The following VPS13B variants were observed in gnomAD, a reference collection of about 807,000 sequenced individuals.
The protein encoded by VPS13B is intermembrane lipid transfer protein VPS13B.
A neutral mutation model predicts 426.4 loss-of-function variants in VPS13B; 285 were observed. The observed-to-expected ratio is 0.67, with a 90% confidence interval of 0.61 to 0.74. The LOEUF is 0.74. VPS13B is among the 30% of genes least tolerant of loss of function. The pLI is 0.00. For missense variants in VPS13B, 4,537 were observed against 4,782.6 expected (o/e 0.95, Z 1.51); for synonymous variants, 1,676 against 1,676.4 (o/e 1.00, Z 0.01).
At chr8:99,625,095 G>A (rs1828553772) in intron 33 of VPS13B, among the ~76,000 whole-genome samples, 1 of 152,104 alleles carries the variant, frequency 6.6e-6, no homozygotes, top group Non-Finnish European at 1.5e-5. Context: ...AAAGTGCTGG[G>A]ATTAAAGCCT....
chr8:99,432,823 C>T (rs929036518), intron 22 of VPS13B, among the ~76,000 whole-genome samples: 2 of 151,912 alleles, frequency 1.3e-5, no homozygotes, highest in Middle Eastern at 3.4e-3. Context: ...TGAAGAGGGT[C>T]GAAAATATAG....
intron 33 of VPS13B, among the ~76,000 whole-genome samples, chr8:99,588,573 G>A (rs918212813): frequency 6.6e-6 from 1 of 151,706 alleles, no homozygotes; most frequent in Middle Eastern, 3.4e-3. Flanking sequence ...TATTCTCTTT[G>A]TAGCAACTGT....
intron 15 of VPS13B, among the ~76,000 whole-genome samples, chr8:99,166,935 A>T (rs1812040567): frequency 6.6e-6 from 1 of 152,208 alleles, no homozygotes. Context: ...ATTTTTCTTT[A>T]AGAATAAACA....
At chr8:99,592,801 C>T (rs1406734127) in intron 33 of VPS13B, among the ~76,000 whole-genome samples, 1 of 152,074 alleles carries the variant, frequency 6.6e-6, no homozygotes, top group East Asian at 1.9e-4. Context: ...CTGACAACAA[C>T]AAGCAATAGG....
At position 99,143,003 on chromosome 8, in the gene VPS13B, G is replaced by T. The variant is rs759370868; in HGVS notation, c.1681G>T (p.Gly561Trp). The change falls in exon 13 of 62, where the codon GGG becomes TGG. Residue 561 changes from glycine (G) to tryptophan (W), a missense_variant. Coordinates refer to ENST00000357162, the MANE Select transcript of VPS13B (RefSeq NM_152564.5). The stretch of plus-strand genomic sequence containing the variant: ...CACAAATCAACAAGACTTTTCTTCA[G>T]GGAAAAGTGAAGATTTGGGAACAGT... ...GSTNQQDFSS[G>W]KSEDLGTVQE... The T allele has an allele frequency of 6.2e-7, 1 of 1,613,390 alleles. No individual in the cohort carries two copies. Among genetic ancestry groups the T allele is most frequent in the African/African-American group, 1.3e-5 (1 of 74,992 alleles).
intron 3 of VPS13B, among the ~76,000 whole-genome samples, chr8:99,066,969 C>G (rs1056017923): frequency 2.0e-5 from 3 of 152,148 alleles, no homozygotes; most frequent in African/African-American, 7.2e-5. Flanking sequence ...GTTAGAATGG[C>G]AATCATTAGA....
intron 33 of VPS13B, among the ~76,000 whole-genome samples, chr8:99,584,408 C>T (rs1826211986): frequency 1.3e-5 from 2 of 152,108 alleles, no homozygotes; most frequent in African/African-American, 4.8e-5. Flanking sequence ...GATTTCTTTG[C>T]CAGAAATCCA....
intron 40 of VPS13B, among the ~76,000 whole-genome samples, chr8:99,775,830 A>C (rs1227137806): frequency 6.6e-6 from 1 of 152,166 alleles, no homozygotes; most frequent in African/African-American, 2.4e-5. Context: ...CCTGGGAGGC[A>C]GAGATTGCAT....
At chr8:99,237,281 A>G (rs1215661078) in intron 17 of VPS13B, among the ~76,000 whole-genome samples, 1 of 152,180 alleles carries the variant, frequency 6.6e-6, no homozygotes, top group Non-Finnish European at 1.5e-5. Flanking sequence ...ATTTCCCCCC[A>G]AGTAATTTGT....
At chr8:99,560,991 T>C (rs1401736360) in intron 31 of VPS13B, among the ~76,000 whole-genome samples, 1 of 152,230 alleles carries the variant, frequency 6.6e-6, no homozygotes, top group Non-Finnish European at 1.5e-5. Context: ...ATTTAACTTA[T>C]GGTTTGTGTA....
chr8:99,148,385 A>G (rs200300012), intron 14 of VPS13B, among the ~76,000 whole-genome samples: 46 of 151,468 alleles, frequency 3.0e-4, no homozygotes, highest in African/African-American at 1.1e-3. Context: ...AAAGAAAAAG[A>G]TAAAAGTATC....
At chr8:99,817,844 A>C (rs1381135240) in intron 45 of VPS13B, 41 bp downstream of exon 45, 2 of 1,613,718 alleles carry the variant, frequency 1.2e-6, no homozygotes, top group African/African-American at 2.7e-5. Context: ...CAGCTTTACC[A>C]TTGAAATTTT....
rs1831328997 is a variant in VPS13B at position 99,685,099 on chromosome 8, C to T, written c.6047-14426C>T. Among the ~76,000 whole-genome samples the T allele has an allele frequency of 1.3e-5, 2 of 152,284 alleles. 1 individual carries two copies. Among genetic ancestry groups the T allele is most frequent in the Middle Eastern group, 6.8e-3 (2 of 294 alleles). On this transcript the variant is annotated intron_variant, in intron 35 of 61. Transcript: ENST00000357162. ...TACAGGTATGAGCCACCGCGCCTGG[C>T]CCCATTAGATGTTTTTAAGATATAT...
At chr8:99,398,149 A>T (rs77292400) in intron 21 of VPS13B, among the ~76,000 whole-genome samples, 452 of 152,356 alleles carry the variant, frequency 3.0e-3, no homozygotes, top group African/African-American at 0.011. Flanking sequence ...ACAGTAAGAG[A>T]TATAGACTTG....
At chr8:99,350,892 A>T (rs1403567991) in intron 19 of VPS13B, among the ~76,000 whole-genome samples, 3 of 151,736 alleles carry the variant, frequency 2.0e-5, no homozygotes, top group Non-Finnish European at 2.9e-5. Context: ...GAATCAGGAG[A>T]TTGTAATATG....
intron 39 of VPS13B, among the ~76,000 whole-genome samples, chr8:99,724,376 A>G (rs1029000565): frequency 1.8e-4 from 27 of 152,144 alleles, no homozygotes; most frequent in Admixed American, 1.3e-4. Context: ...CTGGTTCTAT[A>G]CTAGAGGCAC....
intron 23 of VPS13B, among the ~76,000 whole-genome samples, chr8:99,444,014 T>C (rs1216809921): frequency 1.3e-5 from 2 of 151,992 alleles, no homozygotes; most frequent in Non-Finnish European, 2.9e-5. Context: ...TTTCTTTTTT[T>C]TTTTATTTTG....
chr8:99,654,877 T>C (rs539045609), intron 34 of VPS13B, among the ~76,000 whole-genome samples: 2 of 149,920 alleles, frequency 1.3e-5, no homozygotes, highest in Non-Finnish European at 3.0e-5. Flanking sequence ...AAAAAAACTG[T>C]CTAGGAACAA....
intron 39 of VPS13B, among the ~76,000 whole-genome samples, chr8:99,763,050 C>A (rs1012297974): frequency 7.1e-6 from 1 of 141,374 alleles, no homozygotes; most frequent in Non-Finnish European, 1.5e-5. Flanking sequence ...GTGGGAGGAT[C>A]GCTTGAGCCA....
Sources: gnomAD v4.1 joint callset for allele counts (sites outside exome capture counted in the v4.1 genomes callset) on GRCh38, gnomAD v4.1.1 for gene constraint, MANE v1.5 for transcripts, NCBI Gene and HGNC (gene_info 2026-07-23, HGNC 2026-07-21) for gene names.